WDR33: variants seen among roughly 807,000 people sequenced by gnomAD.
WDR33 encodes pre-mRNA 3' end processing protein WDR33.
Under a neutral mutation model 164.9 loss-of-function variants are expected in WDR33, and 47 were observed. The ratio of observed to expected loss-of-function variants is 0.29; its 90% CI spans 0.23 to 0.36. WDR33 has a LOEUF of 0.36. Among genes scored for constraint, WDR33 ranks in the 10% least tolerant of loss-of-function variants. The pLI is 1.00. For synonymous variants in WDR33, 505 were observed against 589.0 expected (o/e 0.86, Z 2.06); for missense variants, 1,137 against 1,754.1 (o/e 0.65, Z 6.28).
At chr2:127,784,545 G>A (rs868820066) in intron 1 of WDR33, among the ~76,000 whole-genome samples, 12 of 152,012 alleles carry the variant, frequency 7.9e-5, no homozygotes, top group Admixed American at 3.3e-4. Flanking sequence ...ACCTCACCTG[G>A]CCAATTTTTA....
In WDR33 at chr2:127,724,821, A is replaced by G. The variant is rs1686526338; in HGVS notation, c.1085+66T>C. 1 of 1,534,664 alleles carries G rather than the reference A, an allele frequency of 6.5e-7. No individual in the cohort carries two copies. Among genetic ancestry groups the G allele is most frequent in the Non-Finnish European group, 9.0e-7 (1 of 1,108,614 alleles). On this transcript the variant is annotated intron_variant, in intron 10 of 21. Coordinates refer to ENST00000322313, the MANE Select transcript of WDR33 (RefSeq NM_018383.5). This position sits in a 1 kb window ranked among gnomAD's most constrained non-coding sequence, Gnocchi z 4.8. Reference sequence around the variant, plus strand: ...CACTTAGAAAAGCTACAAAACTATCATGTCTGCACACATTCACGTGCTCTC... The same window carrying G: ...CACTTAGAAAAGCTACAAAACTATCGTGTCTGCACACATTCACGTGCTCTC...
chr2:127,722,788 C>T lies in WDR33; in HGVS notation c.1379-58G>A, dbSNP rs1407780923. 18 of 1,561,092 alleles carry T rather than the reference C, an allele frequency of 1.2e-5. No homozygotes were observed. Among genetic ancestry groups the T allele is most frequent in the Non-Finnish European group, 1.5e-5 (17 of 1,144,678 alleles). On this transcript the variant is annotated intron_variant, in intron 13 of 21. Transcript: ENST00000322313. The surrounding 1 kb of genome is among the most constrained non-coding windows in gnomAD (Gnocchi z 5.1). The stretch of plus-strand genomic sequence containing the variant: ...AAATAAAAGAAATTGGCCACTTGAT[C>T]AATGAACACATTATTGGAAGAATAG...
At chr2:127,762,687 T>C (rs1274721904) in intron 7 of WDR33, 1 of 1,016,350 alleles carries the variant, frequency 9.8e-7, no homozygotes, top group East Asian at 9.7e-5. Flanking sequence ...TTAATTCATA[T>C]TGTAAAAGGA....
rs80050025 is a variant in WDR33 at position 127,722,095 on chromosome 2, G to A, written c.1519-107C>T. On this transcript the variant is annotated intron_variant, in intron 14 of 21. Coordinates refer to ENST00000322313, the MANE Select transcript of WDR33 (RefSeq NM_018383.5). This position sits in a 1 kb window ranked among gnomAD's most constrained non-coding sequence, Gnocchi z 5.1. ...ATCTGCTCAATCTAACCTCTGAACC[G>A]ATTTTATTTCTTTTTACCTTTTCTC... is the stretch of plus-strand genomic sequence containing the variant. The A allele has an allele frequency of 2.8e-3, 3,619 of 1,292,028 alleles. 95 individuals are homozygous for A. In the African/African-American group the frequency reaches 0.051, roughly 18 times the overall value. 80.0% of individuals were successfully genotyped at this position (1,292,028 alleles called of 1,614,324 possible).
intron 1 of WDR33, among the ~76,000 whole-genome samples, chr2:127,784,180 T>C (rs1688477604): frequency 2.0e-5 from 3 of 152,162 alleles, no homozygotes; most frequent in Non-Finnish European, 1.5e-5. Context: ...TGCTGCAATA[T>C]GTTATTTAAG....
chr2:127,749,242 G>A (rs1687248724), intron 7 of WDR33, among the ~76,000 whole-genome samples: 1 of 152,186 alleles, frequency 6.6e-6, no homozygotes, highest in Non-Finnish European at 1.5e-5. Context: ...GAAAGCTCAG[G>A]TGGATCGCAT....
chr2:127,786,197 T>G (rs1254107982), intron 1 of WDR33, among the ~76,000 whole-genome samples: 2 of 152,094 alleles, frequency 1.3e-5, no homozygotes, highest in Non-Finnish European at 2.9e-5. Flanking sequence ...CCATGAGTGG[T>G]TAAACTGTTC....
intron 7 of WDR33, among the ~76,000 whole-genome samples, chr2:127,747,702 G>A (rs556574369): frequency 4.6e-5 from 7 of 152,182 alleles, no homozygotes; most frequent in South Asian, 2.1e-4. Context: ...CAATTGCTCC[G>A]TTTTGTAAAA....
Position 127,799,616 on chromosome 2 carries a change from G to A in WDR33, c.-24+11396C>T, listed in dbSNP as rs568812550. On this transcript the variant is annotated intron_variant, in intron 1 of 21. Transcript: ENST00000322313. ...TTAAGACCAGCCTGCGCAACATGGC[G>A]AAACCCCATATCTACTAAAAATACA... is the stretch of plus-strand genomic sequence containing the variant. Among the ~76,000 whole-genome samples, 183 of 151,854 alleles carry A rather than the reference G, an allele frequency of 1.2e-3. 1 individual carries two copies. The highest frequency in any genetic ancestry group is 4.1e-3 in the African/African-American group (170 of 41,136).
intron 7 of WDR33, chr2:127,762,723 A>G: frequency 9.5e-7 from 1 of 1,052,308 alleles, no homozygotes; most frequent in Non-Finnish European, 1.1e-6. Flanking sequence ...CGGCTATCTA[A>G]ATCAAACCAC....
chr2:127,708,795 T>G lies in WDR33; in HGVS notation c.3663A>C (p.Gln1221His), dbSNP rs189530267. Reference sequence around the variant, plus strand: ...GAGGTAGGGATGCCATGTCCATGCCTTGGAGAGAAGAGGAGCGTTCTCTGC... The same window carrying G: ...GAGGTAGGGATGCCATGTCCATGCCGTGGAGAGAAGAGGAGCGTTCTCTGC... ...PASRERSSSL[Q>H]GMDMASLPPR... is the part of the protein sequence containing the mutation. Residue 1221 changes from glutamine to histidine, a missense_variant, in exon 21 of 22, where the codon CAA becomes CAC. Physicochemically the swap from Gln to His is conservative, Grantham distance 24. This residue lies in a region of WDR33 where 867 missense variants were observed against 1,073.0 expected (regional missense o/e 0.81). Coordinates refer to ENST00000322313, the MANE Select transcript of WDR33 (RefSeq NM_018383.5). This position sits in a 1 kb window ranked among gnomAD's most constrained non-coding sequence, Gnocchi z 6.7. 1.2e-6 allele frequency: 2 copies of G among 1,613,780 alleles called. No individual in the cohort carries two copies. Among genetic ancestry groups the G allele is most frequent in the East Asian group, 4.5e-5 (2 of 44,876 alleles).
At chr2:127,754,522 A>G (rs992482995) in intron 7 of WDR33, among the ~76,000 whole-genome samples, 1 of 151,786 alleles carries the variant, frequency 6.6e-6, no homozygotes, top group African/African-American at 2.4e-5. Context: ...AGACTCGAGC[A>G]ATCCTCCTGC....
chr2:127,737,563 A>G, intron 7 of WDR33: 1 of 987,366 alleles, frequency 1.0e-6, no homozygotes, highest in African/African-American at 1.7e-5. Context: ...ACTAAATACC[A>G]AGACTATTAG....
At chr2:127,750,727 C>CATATAT (rs1199695849) in intron 7 of WDR33, among the ~76,000 whole-genome samples, 24 of 42,148 alleles carry the variant, frequency 5.7e-4, no homozygotes, top group African/African-American at 3.4e-3. Flanking sequence ...TGTATGCATA[C>CATATAT]ATATATATGT....
chr2:127,788,233 G>C (rs1331331939), intron 1 of WDR33, among the ~76,000 whole-genome samples: 1 of 134,964 alleles, frequency 7.4e-6, no homozygotes, highest in African/African-American at 2.9e-5. Context: ...AGGGCGGCTG[G>C]CCAGGCAGGG....
At position 127,710,816 on chromosome 2, in the gene WDR33, A is replaced by C. The variant is rs1329022665; in HGVS notation, c.3309-960T>G. Reference sequence around the variant, plus strand: ...GTTTCCATTCCATTGCCTTTATCCTAATCTTCTACTTGGAAGATTTTCAAA... The same window carrying C: ...GTTTCCATTCCATTGCCTTTATCCTCATCTTCTACTTGGAAGATTTTCAAA... On this transcript the variant is annotated intron_variant, in intron 18 of 21. Coordinates refer to ENST00000322313, the MANE Select transcript of WDR33 (RefSeq NM_018383.5). This position sits in a 1 kb window ranked among gnomAD's most constrained non-coding sequence, Gnocchi z 4.4. 6.6e-6 allele frequency among the ~76,000 whole-genome samples: 1 copy of C among 152,120 alleles called. No individual in the cohort carries two copies.
In WDR33 at chr2:127,755,997, T is replaced by C. The variant is rs528240193; in HGVS notation, c.724+7065A>G. Reference sequence around the variant, plus strand: ...GGTCTCTTTACAACTAAAGAGATCATAGGTGCTTCTCAGAAATTGCTGAGC... The same window carrying C: ...GGTCTCTTTACAACTAAAGAGATCACAGGTGCTTCTCAGAAATTGCTGAGC... On this transcript the variant is annotated intron_variant, in intron 7 of 21. Transcript: ENST00000322313. Among the ~76,000 whole-genome samples, 19 of 152,246 alleles carry C rather than the reference T, an allele frequency of 1.2e-4. No homozygotes were observed. In the East Asian group the frequency reaches 2.9e-3, roughly 23 times the overall value.
At position 127,705,798 on chromosome 2, in the gene WDR33, T is replaced by C. The variant is rs1275774535; in HGVS notation, c.*525A>G. The C allele has an allele frequency of 6.6e-6, 1 of 152,532 alleles. No individual in the cohort carries two copies. Among genetic ancestry groups the C allele is most frequent in the Non-Finnish European group, 1.5e-5 (1 of 68,274 alleles). The allele number at this position is 152,532 out of a possible 1,614,324, so 9.4% of individuals were successfully genotyped here. On this transcript the variant is annotated 3_prime_UTR_variant, in exon 22 of 22. Coordinates refer to ENST00000322313, the MANE Select transcript of WDR33 (RefSeq NM_018383.5). This position sits in a 1 kb window ranked among gnomAD's most constrained non-coding sequence, Gnocchi z 4.5. ...ACACAAAGTTCACAGCTGAGATTAA[T>C]TTAGATAACCTAGTGGTTAATATGC... is the stretch of plus-strand genomic sequence containing the variant.
At chr2:127,786,037 ATTT>A (rs1688553186) in intron 1 of WDR33, among the ~76,000 whole-genome samples, 1 of 152,032 alleles carries the variant, frequency 6.6e-6, no homozygotes, top group Non-Finnish European at 1.5e-5. Context: ...TATCTCATTT[ATTT>A]TATTCTATTT....
Sources: gnomAD v4.1 joint callset for allele counts (sites outside exome capture counted in the v4.1 genomes callset) on GRCh38, gnomAD v4.1.1 for gene constraint, gnomAD v4.1.1 regional missense constraint, Gnocchi (gnomAD v3.1) non-coding constraint, MANE v1.5 for transcripts, NCBI Gene and HGNC (gene_info 2026-07-23, HGNC 2026-07-21) for gene names.